Variants in FREM3 observed in about 807,000 individuals in gnomAD.
The protein encoded by FREM3 is FRAS1-related extracellular matrix protein 3.
FREM3 carries 105 observed loss-of-function variants against 129.1 expected under a neutral mutation model. The ratio of observed to expected loss-of-function variants is 0.81; its 90% CI spans 0.69 to 0.96. The LOEUF (loss-of-function observed/expected upper bound fraction) is 0.96, where lower values mean the gene tolerates loss of function less well. FREM3 is among the 40% of genes least tolerant of loss of function. The pLI, the probability that FREM3 is intolerant of heterozygous loss-of-function variation, is 0.00. For missense variants in FREM3, 2,593 were observed against 2,666.3 expected, an observed-to-expected ratio of 0.97 and a Z score of 0.61; for synonymous variants, 1,014 against 1,044.9, an observed-to-expected ratio of 0.97 and a Z score of 0.57.
At chr4:143,598,710 G>A (rs938547547) in intron 6 of FREM3, among the ~76,000 whole-genome samples, 1 of 152,064 alleles carries the variant, frequency 6.6e-6, no homozygotes, top group African/African-American at 2.4e-5. Flanking sequence ...TATATAAAAT[G>A]GTTGTCCCAT....
At chr4:143,625,588 G>A (rs1309135765) in intron 3 of FREM3, among the ~76,000 whole-genome samples, 1 of 152,198 alleles carries the variant, frequency 6.6e-6, no homozygotes, top group African/African-American at 2.4e-5. Flanking sequence ...CATGTTGGAA[G>A]TGGGGAACAT....
rs562548193 is a variant in FREM3 at position 143,590,333 on chromosome 4, T to C, written c.6029-4340A>G. 4.2e-3 allele frequency among the ~76,000 whole-genome samples: 641 copies of C among 152,238 alleles called. 2 individuals are homozygous for C. Among genetic ancestry groups the C allele is most frequent in the African/African-American group, 0.015 (610 of 41,546 alleles). ...CTTGTGCCAGTTTTCAAAGGGAATG[T>C]TTCCAGTTTTTGCCCATTCAGTATG... On this transcript the variant is annotated intron_variant, in intron 6 of 7. Transcript: ENST00000329798.
chr4:143,646,333 G>C (rs1403313820), intron 2 of FREM3, among the ~76,000 whole-genome samples: 1 of 152,148 alleles, frequency 6.6e-6, no homozygotes, highest in Admixed American at 6.5e-5. Context: ...AAGGTATTAG[G>C]ACATGCTGTA....
intron 2 of FREM3, among the ~76,000 whole-genome samples, chr4:143,651,937 A>AT (rs1159944456): frequency 6.6e-6 from 1 of 152,064 alleles, no homozygotes; most frequent in Non-Finnish European, 1.5e-5. Context: ...TTGGAGCTGC[A>AT]TTTTTTGTAA....
At position 143,685,695 on chromosome 4, in the gene FREM3, A is replaced by G. The variant is rs1463489448; in HGVS notation, c.5275+7418T>C. On this transcript the variant is annotated intron_variant, in intron 2 of 7. Transcript: ENST00000329798. The stretch of plus-strand genomic sequence containing the variant: ...ATTTCAATACTTACATTGAATGTCA[A>G]TGATCTAAATGCTCCACTTAAAAGA... Among the ~76,000 whole-genome samples, 8 of 152,358 alleles carry G rather than the reference A, an allele frequency of 5.3e-5. No homozygotes were observed. The South Asian group carries it at 8.3e-4, about 16-fold the overall frequency.
At chr4:143,693,848 A>G (rs984332338) in intron 1 of FREM3, among the ~76,000 whole-genome samples, 8 of 152,146 alleles carry the variant, frequency 5.3e-5, no homozygotes, top group Non-Finnish European at 1.5e-5. Flanking sequence ...GGAGGCTATT[A>G]TCCTTCACAA....
intron 4 of FREM3, among the ~76,000 whole-genome samples, chr4:143,621,583 A>G (rs756224514): frequency 6.6e-6 from 1 of 152,252 alleles, no homozygotes; most frequent in Non-Finnish European, 1.5e-5. Flanking sequence ...GCTTCATTCA[A>G]CAAACTGCTT....
At chr4:143,639,788 T>TATA (rs1373737883) in intron 2 of FREM3, among the ~76,000 whole-genome samples, 1 of 152,152 alleles carries the variant, frequency 6.6e-6, no homozygotes, top group Non-Finnish European at 1.5e-5. Context: ...TCATATCCAT[T>TATA]ATCTCATGTG....
At chr4:143,684,435 C>T (rs1022735975) in intron 2 of FREM3, among the ~76,000 whole-genome samples, 1 of 152,174 alleles carries the variant, frequency 6.6e-6, no homozygotes, top group African/African-American at 2.4e-5. Flanking sequence ...CTCACAGAAG[C>T]CACATCCATA....
intron 2 of FREM3, among the ~76,000 whole-genome samples, chr4:143,660,033 G>T (rs1275124434): frequency 1.7e-4 from 25 of 148,808 alleles, no homozygotes; most frequent in African/African-American, 6.2e-4. Flanking sequence ...TTTGTAGGTT[G>T]CCTGTTCACT....
intron 2 of FREM3, among the ~76,000 whole-genome samples, chr4:143,689,016 A>C (rs1332919875): frequency 6.6e-6 from 1 of 152,224 alleles, no homozygotes; most frequent in Non-Finnish European, 1.5e-5. Context: ...AAAAGCAAAG[A>C]TAAATAGCCG....
intron 2 of FREM3, among the ~76,000 whole-genome samples, chr4:143,680,008 C>T (rs1375361116): frequency 1.3e-5 from 2 of 151,792 alleles, no homozygotes; most frequent in African/African-American, 2.4e-5. Flanking sequence ...TATTATTGAA[C>T]GAAGTTGGTT....
intron 6 of FREM3, among the ~76,000 whole-genome samples, chr4:143,603,110 T>G (rs1363120821): frequency 6.6e-6 from 1 of 152,148 alleles, no homozygotes; most frequent in Non-Finnish European, 1.5e-5. Flanking sequence ...TCACTGTAAT[T>G]TATAATTTGT....
chr4:143,650,809 A>G (rs994093936), intron 2 of FREM3, among the ~76,000 whole-genome samples: 9 of 152,182 alleles, frequency 5.9e-5, no homozygotes, highest in Admixed American at 1.3e-4. Context: ...TGTTTTAATC[A>G]TTTATATCAG....
intron 2 of FREM3, among the ~76,000 whole-genome samples, chr4:143,683,160 G>A (rs1578867996): frequency 6.6e-6 from 1 of 152,310 alleles, no homozygotes; most frequent in African/African-American, 2.4e-5. Context: ...CTGGAGAGAG[G>A]CGGATGATCA....
intron 4 of FREM3, among the ~76,000 whole-genome samples, chr4:143,622,492 T>C (rs1187589907): frequency 6.6e-6 from 1 of 151,784 alleles, no homozygotes; most frequent in Non-Finnish European, 1.5e-5. Context: ...TGTATATTAA[T>C]TTTTTTCTTC....
chr4:143,695,476 A>G lies in FREM3; in HGVS notation c.5185+15T>C. ...AGGAGAGGGACAGAATAGGCAGGGA[A>G]GAATACATACTAACCTTGTGTAAAC... On this transcript the variant is annotated intron_variant, in intron 1 of 7. Coordinates refer to ENST00000329798, the MANE Select transcript of FREM3 (RefSeq NM_001168235.2). The G allele has an allele frequency of 6.6e-7, 1 of 1,525,976 alleles. No homozygotes were observed. The highest frequency in any genetic ancestry group is 8.8e-7 in the Non-Finnish European group (1 of 1,140,404). The allele number at this position is 1,525,976 out of a possible 1,614,324, so 94.5% of individuals were successfully genotyped here.
chr4:143,597,113 A>G (rs940240028), intron 6 of FREM3, among the ~76,000 whole-genome samples: 1 of 152,114 alleles, frequency 6.6e-6, no homozygotes, highest in Non-Finnish European at 1.5e-5. Context: ...AGCCCCAAAA[A>G]GAGACCAAAA....
intron 2 of FREM3, among the ~76,000 whole-genome samples, chr4:143,688,707 C>T (rs745310287): frequency 6.6e-6 from 1 of 152,132 alleles, no homozygotes; most frequent in South Asian, 2.1e-4. Context: ...ACAGAGAACC[C>T]ATAAATAGAG....
Sources: gnomAD v4.1 joint callset for allele counts (sites outside exome capture counted in the v4.1 genomes callset) on GRCh38, gnomAD v4.1.1 for gene constraint, MANE v1.5 for transcripts, NCBI Gene and HGNC (gene_info 2026-07-23, HGNC 2026-07-21) for gene names.